GPC3: variants seen among roughly 807,000 people sequenced by gnomAD.
GPC3 encodes glypican-3.
GPC3 carries 3 observed loss-of-function variants against 34.4 expected under a neutral mutation model. That is an observed-to-expected ratio of 0.09 (90% CI 0.04 to 0.23). GPC3 has a LOEUF of 0.23. Ranked by LOEUF, GPC3 falls within the 10% of genes least tolerant of loss-of-function variation. The pLI is 1.00. For missense variants in GPC3, 351 were observed against 445.6 expected, an observed-to-expected ratio of 0.79 and a Z score of 1.91; for synonymous variants, 177 against 174.0, an observed-to-expected ratio of 1.02 and a Z score of -0.13.
At chrX:133,732,943 C>A (rs1380922861) in intron 3 of GPC3, among the ~76,000 whole-genome samples, 1 of 110,865 alleles carries the variant, frequency 9.0e-6, no homozygotes, top group East Asian at 2.9e-4. Flanking sequence ...CGGCTCACTG[C>A]AGCCTCGACC....
At chrX:133,727,771 T>C (rs2071424573) in intron 3 of GPC3, among the ~76,000 whole-genome samples, 1 of 111,862 alleles carries the variant, frequency 8.9e-6, no homozygotes, top group Non-Finnish European at 1.9e-5. Context: ...CAATGTTTCT[T>C]AGGCAATCAA....
At position 133,850,194 on chromosome X, in the gene GPC3, G is replaced by GTTTTTT. The variant is rs749809263; in HGVS notation, c.338-96024_338-96019dup. Among the ~76,000 whole-genome samples the GTTTTTT allele has an allele frequency of 5.7e-4, 39 of 67,944 alleles. 1 individual carries two copies. Among genetic ancestry groups the GTTTTTT allele is most frequent in the South Asian group, 7.8e-4 (1 of 1,275 alleles). 59.0% of individuals were successfully genotyped at this position (67,944 alleles called of 115,157 possible). A position where few individuals can be genotyped will look rare whatever the true frequency, so the allele number is the denominator to read the frequency against. ...TTTTTTTGTTTGTTTTTTGGGTTTTGTTTTTTTTTTTTTTTTTTTGGTAAA... is the reference window on the plus strand; with the variant it reads ...TTTTTTTGTTTGTTTTTTGGGTTTTGTTTTTTTTTTTTTTTTTTTTTTTTTGGTAAA... On this transcript the variant is annotated intron_variant, in intron 2 of 7. Transcript: ENST00000370818.
chrX:133,833,174 C>G (rs990288167), intron 2 of GPC3, among the ~76,000 whole-genome samples: 2 of 111,173 alleles, frequency 1.8e-5, no homozygotes, highest in Non-Finnish European at 3.8e-5. Context: ...GGATGTCTTA[C>G]GATCATCTCT....
At chrX:133,942,942 G>A (rs1219559755) in intron 2 of GPC3, among the ~76,000 whole-genome samples, 5 of 111,217 alleles carry the variant, frequency 4.5e-5, no homozygotes, top group Admixed American at 1.9e-4. Context: ...TCTACAATTC[G>A]TTTAAACTAT....
intron 6 of GPC3, among the ~76,000 whole-genome samples, chrX:133,648,811 G>A (rs1192136809): frequency 2.7e-5 from 3 of 112,266 alleles, no homozygotes; most frequent in Non-Finnish European, 5.6e-5. Flanking sequence ...CTGCCAGGAA[G>A]ATCCTTCCTT....
chrX:133,966,890 T>G (rs1325847193), intron 1 of GPC3, among the ~76,000 whole-genome samples: 1 of 112,078 alleles, frequency 8.9e-6, no homozygotes, highest in Non-Finnish European at 1.9e-5. Flanking sequence ...AAGGATAGAT[T>G]TTCCTCCTTC....
At chrX:133,553,179 A>G (rs1294776717) in intron 7 of GPC3, among the ~76,000 whole-genome samples, 1 of 112,106 alleles carries the variant, frequency 8.9e-6, no homozygotes, top group Non-Finnish European at 1.9e-5. Flanking sequence ...TTACCTAACT[A>G]TAGAATACAT....
At chrX:133,824,896 T>C (rs7880755) in intron 2 of GPC3, among the ~76,000 whole-genome samples, 5,150 of 112,424 alleles carry the variant, frequency 0.046, 303 homozygotes, top group African/African-American at 0.16. Context: ...TCGCCCGGGC[T>C]GGAGTGCAGT....
chrX:133,624,853 A>T (rs1256709863), intron 6 of GPC3, among the ~76,000 whole-genome samples: 2 of 110,657 alleles, frequency 1.8e-5, no homozygotes, highest in East Asian at 5.6e-4. Context: ...GCAGTGACAC[A>T]ACAAAAAAAA....
chrX:133,667,870 C>T (rs1368240108), intron 5 of GPC3, among the ~76,000 whole-genome samples: 1 of 107,506 alleles, frequency 9.3e-6, no homozygotes, highest in Non-Finnish European at 1.9e-5. Context: ...TGCTCTCTCT[C>T]TCTATATATG....
At position 133,803,147 on chromosome X, in the gene GPC3, G is replaced by A. The variant is rs1258453633; in HGVS notation, c.338-48971C>T. Among the ~76,000 whole-genome samples the A allele has an allele frequency of 2.7e-5, 3 of 111,148 alleles. No homozygotes were observed. In the South Asian group the frequency reaches 1.1e-3, roughly 42 times the overall value. On this transcript the variant is annotated intron_variant, in intron 2 of 7. Coordinates refer to ENST00000370818, the MANE Select transcript of GPC3 (RefSeq NM_004484.4). ...TCACCATGTTGGTCAGGGTGGTCTT[G>A]AACTCCTGACCTCGTGATCCGCCCA...
At chrX:133,948,537 T>C (rs1437253299) in intron 2 of GPC3, among the ~76,000 whole-genome samples, 5 of 111,651 alleles carry the variant, frequency 4.5e-5, no homozygotes, top group Non-Finnish European at 7.5e-5. Context: ...TCTAGACTTA[T>C]ACCAACCTTT....
chrX:133,567,295 C>A (rs751533046), intron 7 of GPC3, among the ~76,000 whole-genome samples: 41 of 111,993 alleles, frequency 3.7e-4, no homozygotes, highest in Non-Finnish European at 6.8e-4. Flanking sequence ...TCTGTCTCAC[C>A]CACTAGGCCC....
chrX:133,877,844 T>C (rs925002359), intron 2 of GPC3, among the ~76,000 whole-genome samples: 5 of 111,904 alleles, frequency 4.5e-5, no homozygotes, highest in Non-Finnish European at 7.5e-5. Context: ...ACATATTACA[T>C]AATGCAGACT....
chrX:133,803,146 T>G (rs936596286), intron 2 of GPC3, among the ~76,000 whole-genome samples: 2 of 111,194 alleles, frequency 1.8e-5, no homozygotes, highest in Non-Finnish European at 3.8e-5. Flanking sequence ...AGGGTGGTCT[T>G]GAACTCCTGA....
At chrX:133,670,596 T>G (rs1249659226) in intron 5 of GPC3, among the ~76,000 whole-genome samples, 1 of 112,231 alleles carries the variant, frequency 8.9e-6, no homozygotes, top group Admixed American at 9.5e-5. Context: ...GAGCGCCATC[T>G]TATGGACACG....
At chrX:133,596,960 A>T (rs1206443339) in intron 6 of GPC3, among the ~76,000 whole-genome samples, 1 of 111,326 alleles carries the variant, frequency 9.0e-6, no homozygotes, top group African/African-American at 3.3e-5. Flanking sequence ...AGAGGACACC[A>T]AGACCAGAAA....
chrX:133,651,353 A>G (rs1038388348), intron 6 of GPC3, among the ~76,000 whole-genome samples: 4 of 110,231 alleles, frequency 3.6e-5, no homozygotes, highest in African/African-American at 1.3e-4. Context: ...TCTTCCCACC[A>G]AAAATGGCAA....
chrX:133,551,131 C>A (rs1050523185), intron 7 of GPC3, among the ~76,000 whole-genome samples: 1 of 105,957 alleles, frequency 9.4e-6, no homozygotes, highest in African/African-American at 3.5e-5. Context: ...CTGCCCCCCC[C>A]CACCCCACCC....
Sources: allele counts gnomAD v4.1 joint callset (sites outside exome capture counted in the v4.1 genomes callset), GRCh38; gene constraint gnomAD v4.1.1; transcripts MANE v1.5; gene names NCBI Gene and HGNC (gene_info 2026-07-23, HGNC 2026-07-21).